NCKAP5: variants seen among roughly 807,000 people sequenced by gnomAD.
The protein encoded by NCKAP5 is NCK associated protein 5.
A neutral mutation model predicts 167.0 loss-of-function variants in NCKAP5; 92 were observed. That is an observed-to-expected ratio of 0.55 (90% CI 0.47 to 0.66). The LOEUF (loss-of-function observed/expected upper bound fraction) is 0.66. NCKAP5 is among the 30% of genes least tolerant of loss of function. The pLI, the probability that NCKAP5 is intolerant of heterozygous loss-of-function variation, is 0.00. For missense variants in NCKAP5, 2,378 were observed against 2,315.0 expected (o/e 1.03, Z -0.56); for synonymous variants, 891 against 877.4 (o/e 1.02, Z -0.27).
At chr2:133,021,555 T>C (rs2149392725) in intron 6 of NCKAP5, among the ~76,000 whole-genome samples, 1 of 152,386 alleles carries the variant, frequency 6.6e-6, no homozygotes, top group South Asian at 2.1e-4. Flanking sequence ...AGTAAGTGTG[T>C]ATACACAGGC....
chr2:133,358,266 C>A (rs750518407), intron 3 of NCKAP5, among the ~76,000 whole-genome samples: 9 of 152,096 alleles, frequency 5.9e-5, no homozygotes, highest in Non-Finnish European at 1.3e-4. Context: ...CAGTTATTAT[C>A]CCAATAAAAT....
intron 11 of NCKAP5, among the ~76,000 whole-genome samples, chr2:132,846,383 C>A (rs949523769): frequency 1.3e-5 from 2 of 151,976 alleles, no homozygotes; most frequent in African/African-American, 2.4e-5. Context: ...CGGCTCATTG[C>A]AGCCTCCGTC....
chr2:132,935,469 G>A (rs1361249262), intron 8 of NCKAP5, among the ~76,000 whole-genome samples: 1 of 152,148 alleles, frequency 6.6e-6, no homozygotes, highest in Non-Finnish European at 1.5e-5. Context: ...AGGAAAATAG[G>A]ATTTAGACAG....
intron 3 of NCKAP5, among the ~76,000 whole-genome samples, chr2:133,359,677 T>C (rs1362176887): frequency 6.6e-6 from 1 of 152,220 alleles, no homozygotes; most frequent in Non-Finnish European, 1.5e-5. Flanking sequence ...GAACTTCTAA[T>C]GTAACTCTTT....
chr2:132,772,115 G>A (rs1360243954), intron 16 of NCKAP5, among the ~76,000 whole-genome samples: 1 of 151,958 alleles, frequency 6.6e-6, no homozygotes, highest in East Asian at 1.9e-4. Flanking sequence ...CAGGCTCGTA[G>A]CCTAGGACCA....
intron 11 of NCKAP5, among the ~76,000 whole-genome samples, chr2:132,808,449 G>A (rs568707105): frequency 6.6e-6 from 1 of 152,060 alleles, no homozygotes; most frequent in Admixed American, 6.5e-5. Flanking sequence ...CTTGTTAATG[G>A]TCTGTTCAGG....
At chr2:133,073,103 T>G (rs2080474485) in intron 6 of NCKAP5, among the ~76,000 whole-genome samples, 1 of 152,326 alleles carries the variant, frequency 6.6e-6, no homozygotes, top group Middle Eastern at 3.4e-3. Context: ...ATTTCCTGGT[T>G]TATATTGAGG....
At chr2:133,293,750 T>C (rs962338971) in intron 4 of NCKAP5, among the ~76,000 whole-genome samples, 2 of 152,156 alleles carry the variant, frequency 1.3e-5, no homozygotes, top group Non-Finnish European at 2.9e-5. Flanking sequence ...TCCCTTGTGC[T>C]GGACAGAGGG....
At chr2:133,435,191 G>A (rs1690397267) in intron 3 of NCKAP5, among the ~76,000 whole-genome samples, 1 of 152,136 alleles carries the variant, frequency 6.6e-6, no homozygotes, top group Non-Finnish European at 1.5e-5. Context: ...GTTTCAGGGA[G>A]AGATCTTCTA....
chr2:132,785,400 C>G lies in NCKAP5; in HGVS notation c.1411G>C (p.Asp471His), dbSNP rs774347440. ...CKEPHKTFVYDLDSHVDADDD... is the reference protein window; with the variant it reads ...CKEPHKTFVYHLDSHVDADDD... Reference sequence around the variant, plus strand: ...TCCGCATCAACGTGGGAATCTAGATCATAAACAAATGTCTTGTGGGGTTCC... The same window carrying G: ...TCCGCATCAACGTGGGAATCTAGATGATAAACAAATGTCTTGTGGGGTTCC... The change falls in exon 14 of 20, where the codon GAT (aspartate) becomes CAT (histidine). Residue 471 changes from aspartate to histidine, a missense_variant. Asp to His is a moderately conservative substitution (Grantham distance 81, BLOSUM62 -1). Coordinates refer to ENST00000409261, the MANE Select transcript of NCKAP5 (RefSeq NM_207363.3). The G allele has an allele frequency of 6.2e-7, 1 of 1,613,958 alleles. No individual in the cohort carries two copies. Among genetic ancestry groups the G allele is most frequent in the Non-Finnish European group, 8.5e-7 (1 of 1,179,890 alleles).
intron 11 of NCKAP5, among the ~76,000 whole-genome samples, chr2:132,834,469 C>T (rs903242994): frequency 3.9e-5 from 6 of 152,158 alleles, no homozygotes; most frequent in African/African-American, 7.2e-5. Context: ...CTCAGCCTCC[C>T]GAGTACCTGG....
At chr2:133,609,008 C>G in the NCKAP5 span, among the ~76,000 whole-genome samples, 1 of 152,210 alleles carries the variant, frequency 6.6e-6, no homozygotes, top group South Asian at 2.1e-4. Context: ...CAGTTACTGA[C>G]AAAATCCTGC....
intron 5 of NCKAP5, among the ~76,000 whole-genome samples, chr2:133,149,945 C>G (rs776693497): frequency 6.6e-6 from 1 of 152,156 alleles, no homozygotes; most frequent in Non-Finnish European, 1.5e-5. Flanking sequence ...CCACCCTCAC[C>G]TCCAGATGGA....
chr2:132,787,134 G>T (rs1424445014), intron 13 of NCKAP5, among the ~76,000 whole-genome samples: 1 of 152,136 alleles, frequency 6.6e-6, no homozygotes, highest in Admixed American at 6.5e-5. Flanking sequence ...TGGATCAAAA[G>T]GTCAGGAGTT....
chr2:133,603,463 G>A, the NCKAP5 span, among the ~76,000 whole-genome samples: 10,024 of 152,148 alleles, frequency 0.066, 925 homozygotes, highest in East Asian at 0.36. Flanking sequence ...CACCTCAGTT[G>A]ATCCGCCTAT....
intron 19 of NCKAP5, among the ~76,000 whole-genome samples, chr2:132,716,520 A>G (rs578080337): frequency 2.6e-5 from 4 of 152,198 alleles, no homozygotes; most frequent in African/African-American, 7.2e-5. Context: ...TTTGCTTTGA[A>G]ATTCCACTGT....
chr2:133,166,365 A>G (rs927052233), intron 5 of NCKAP5, among the ~76,000 whole-genome samples: 1 of 152,262 alleles, frequency 6.6e-6, no homozygotes, highest in Non-Finnish European at 1.5e-5. Context: ...TATCATGAAT[A>G]ACTTTTTCAC....
At chr2:133,640,456 T>C in the NCKAP5 span, among the ~76,000 whole-genome samples, 125 of 152,334 alleles carry the variant, frequency 8.2e-4, 1 homozygote, top group East Asian at 0.021. Context: ...TCTAGAGGAC[T>C]GAGATGCCTA....
At chr2:133,637,365 C>T in the NCKAP5 span, among the ~76,000 whole-genome samples, 4 of 149,128 alleles carry the variant, frequency 2.7e-5, no homozygotes, top group East Asian at 8.0e-4. Flanking sequence ...CAGTCAAATA[C>T]ACTTTCTCAA....
Sources: gnomAD v4.1 joint callset for allele counts (sites outside exome capture counted in the v4.1 genomes callset) on GRCh38, gnomAD v4.1.1 for gene constraint, MANE v1.5 for transcripts, NCBI Gene and HGNC (gene_info 2026-07-23, HGNC 2026-07-21) for gene names.